Variants in TCF7L2 observed in about 807,000 individuals in gnomAD.
TCF7L2 encodes the protein transcription factor 7-like 2.
A neutral mutation model predicts 77.9 loss-of-function variants in TCF7L2; 23 were observed. The ratio of observed to expected loss-of-function variants is 0.30; its 90% CI spans 0.21 to 0.42. TCF7L2 has a LOEUF of 0.42. Among genes scored for constraint, TCF7L2 ranks in the 10% least tolerant of loss-of-function variants. The probability of loss-of-function intolerance (pLI) is 1.00; values close to 1 mark genes in which losing one functional copy is unlikely to be tolerated. For synonymous variants in TCF7L2, 413 were observed against 340.2 expected, an observed-to-expected ratio of 1.21 and a Z score of -2.36; for missense variants, 654 against 793.1, an observed-to-expected ratio of 0.82 and a Z score of 2.11.
rs189690169 is a variant in TCF7L2, at chr10:113,070,435, A to G, written c.552+30309A>G. 8.5e-4 allele frequency among the ~76,000 whole-genome samples: 130 copies of G among 152,126 alleles called. 3 individuals are homozygous for G. The East Asian group carries it at 0.023, about 27-fold the overall frequency. ...ATGTTTGGGGACACCACTTTCCTGT[A>G]GAATCTCATGTAATCCCAAACAGAT... On this transcript the variant is annotated intron_variant, in intron 5 of 13. Transcript: ENST00000627217.
At chr10:112,952,667 C>T (rs1190296258) in intron 3 of TCF7L2, among the ~76,000 whole-genome samples, 1 of 152,046 alleles carries the variant, frequency 6.6e-6, no homozygotes, top group African/African-American at 2.4e-5. Flanking sequence ...CCGAGGGAGG[C>T]TGGGGCGCCT....
At chr10:113,135,325 G>T (rs2543989) in intron 5 of TCF7L2, among the ~76,000 whole-genome samples, 11 of 151,984 alleles carry the variant, frequency 7.2e-5, no homozygotes, top group Non-Finnish European at 1.6e-4. Context: ...CGATGAATAC[G>T]ATGAATACTT....
chr10:113,034,496 C>T (rs2050794012), intron 4 of TCF7L2, among the ~76,000 whole-genome samples: 1 of 152,148 alleles, frequency 6.6e-6, no homozygotes, highest in Non-Finnish European at 1.5e-5. Context: ...GGCGCATAAG[C>T]AGAGTATTGA....
At chr10:112,988,264 A>T (rs542632046) in intron 4 of TCF7L2, among the ~76,000 whole-genome samples, 22 of 151,758 alleles carry the variant, frequency 1.4e-4, no homozygotes, top group Non-Finnish European at 2.9e-4. Flanking sequence ...GGCTGGGCTG[A>T]TTTTTAGTAT....
intron 5 of TCF7L2, among the ~76,000 whole-genome samples, chr10:113,110,610 C>A (rs1026952536): frequency 6.6e-6 from 1 of 152,146 alleles, no homozygotes; most frequent in African/African-American, 2.4e-5. Context: ...ATTCTAATTG[C>A]TGGCTTTTGA....
chr10:113,123,366 C>T (rs1454494405), intron 5 of TCF7L2, among the ~76,000 whole-genome samples: 6 of 152,192 alleles, frequency 3.9e-5, no homozygotes, highest in Non-Finnish European at 8.8e-5. Flanking sequence ...AAAGCAAAGG[C>T]TCTTTACTTT....
At chr10:113,075,938 C>G (rs2058643935) in intron 5 of TCF7L2, among the ~76,000 whole-genome samples, 1 of 151,990 alleles carries the variant, frequency 6.6e-6, no homozygotes, top group Admixed American at 6.6e-5. Flanking sequence ...GAGTTCGAGA[C>G]ACACCTGGCC....
intron 4 of TCF7L2, among the ~76,000 whole-genome samples, chr10:113,021,548 G>A (rs1181300617): frequency 6.6e-6 from 1 of 152,138 alleles, no homozygotes; most frequent in Non-Finnish European, 1.5e-5. Context: ...ATAAGCTGCT[G>A]CCTGCAATTA....
At chr10:112,956,068 A>G (rs2033496533) in intron 3 of TCF7L2, among the ~76,000 whole-genome samples, 1 of 152,088 alleles carries the variant, frequency 6.6e-6, no homozygotes, top group Admixed American at 6.5e-5. Flanking sequence ...AGGATTTTAC[A>G]TTTTGTCAGA....
chr10:113,105,622 C>T (rs576000313), intron 5 of TCF7L2, among the ~76,000 whole-genome samples: 106 of 152,272 alleles, frequency 7.0e-4, no homozygotes, highest in African/African-American at 2.5e-3. Flanking sequence ...CCGCACCTCA[C>T]CTGTCTAGTG....
At chr10:113,058,975 G>A (rs2055905862) in intron 5 of TCF7L2, among the ~76,000 whole-genome samples, 1 of 152,110 alleles carries the variant, frequency 6.6e-6, no homozygotes, top group Non-Finnish European at 1.5e-5. Context: ...AAAGTGTCAG[G>A]AGCAAGACCC....
chr10:112,994,980 A>T (rs553527587), intron 4 of TCF7L2, among the ~76,000 whole-genome samples: 1 of 152,094 alleles, frequency 6.6e-6, no homozygotes, highest in Non-Finnish European at 1.5e-5. Context: ...GGCGCCTGTA[A>T]TCCCAGCTAC....
chr10:113,152,554 T>A, intron 11 of TCF7L2, 114 bp downstream of exon 11: 1 of 803,518 alleles, frequency 1.2e-6, no homozygotes, highest in South Asian at 1.7e-5. Flanking sequence ...GACCATCCAA[T>A]CTGCCCGCTT....
chr10:113,086,122 G>C (rs2059809759), intron 5 of TCF7L2, among the ~76,000 whole-genome samples: 1 of 152,178 alleles, frequency 6.6e-6, no homozygotes, highest in Admixed American at 6.5e-5. Flanking sequence ...GTCATGTCAG[G>C]AGCATGAAAC....
rs1348901558 is a variant in TCF7L2, at chr10:112,961,256, C to T, written c.382-3300C>T. Among the ~76,000 whole-genome samples the T allele has an allele frequency of 3.3e-5, 2 of 61,470 alleles. 1 individual carries two copies. Among genetic ancestry groups the T allele is most frequent in the African/African-American group, 1.1e-4 (2 of 18,874 alleles). 40.3% of individuals were successfully genotyped at this position (61,470 alleles called of 152,430 possible). ...TCTCGAACTCCCGACCTCAGGTGAC[C>T]CCCCCCCCCCCAACCTCGGCCTTCC... On this transcript the variant is annotated intron_variant, in intron 3 of 13. Coordinates refer to ENST00000627217, the MANE Select transcript of TCF7L2 (RefSeq NM_001146274.2).
chr10:113,098,092 CAT>C (rs2061253464), intron 5 of TCF7L2, among the ~76,000 whole-genome samples: 2 of 145,120 alleles, frequency 1.4e-5, no homozygotes, highest in Admixed American at 6.9e-5. Context: ...AGAAGAAACA[CAT>C]GTCGTACCTG....
At chr10:112,964,675 T>C in intron 4 of TCF7L2, 51 bp downstream of exon 4, 2 of 1,512,144 alleles carry the variant, frequency 1.3e-6, no homozygotes, top group Non-Finnish European at 1.8e-6. Context: ...TGTAGGTCTC[T>C]TGTGTGTTTT....
At chr10:113,095,226 A>T (rs2060828761) in intron 5 of TCF7L2, among the ~76,000 whole-genome samples, 1 of 152,208 alleles carries the variant, frequency 6.6e-6, no homozygotes, top group Non-Finnish European at 1.5e-5. Flanking sequence ...ATTCTGGGAC[A>T]TTCCATAATG....
intron 6 of TCF7L2, among the ~76,000 whole-genome samples, chr10:113,142,353 A>G (rs1418274687): frequency 6.6e-6 from 1 of 151,930 alleles, no homozygotes; most frequent in African/African-American, 2.4e-5. Flanking sequence ...AGAGGGAGGG[A>G]AGGTGGGGTT....
Sources: allele counts gnomAD v4.1 joint callset (sites outside exome capture counted in the v4.1 genomes callset), GRCh38; gene constraint gnomAD v4.1.1; transcripts MANE v1.5; gene names NCBI Gene and HGNC (gene_info 2026-07-23, HGNC 2026-07-21).